The following PPP1R12B variants were observed in gnomAD, a reference collection of about 807,000 sequenced individuals.
PPP1R12B encodes myosin phosphatase target subunit 2.
In PPP1R12B, 76 loss-of-function variants were observed where a neutral mutation model predicts 126.1. The observed-to-expected ratio is 0.60, with a 90% CI of 0.50 to 0.73. The LOEUF is 0.73. Among genes scored for constraint, PPP1R12B ranks in the 30% least tolerant of loss-of-function variants. PPP1R12B has a pLI of 0.00. For synonymous variants in PPP1R12B, 356 were observed against 434.7 expected, an observed-to-expected ratio of 0.82 and a Z score of 2.25; for missense variants, 1,052 against 1,205.1, an observed-to-expected ratio of 0.87 and a Z score of 1.88.
rs1278626067 is a variant in PPP1R12B, at chr1:202,448,993, C to G, written c.1672C>G (p.Pro558Ala). The G allele has an allele frequency of 6.2e-7, 1 of 1,613,758 alleles. No individual in the cohort carries two copies. Among genetic ancestry groups the G allele is most frequent in the East Asian group, 2.2e-5 (1 of 44,856 alleles). The stretch of plus-strand genomic sequence containing the variant: ...TTGTATCTTTTTAAATTTCAGGACT[C>G]CTCACAAATCCCAGGCCGACACAAC... The part of the protein sequence containing the change: ...TYVSTYLKRT[P>A]HKSQADTTAE... Residue 558 changes from proline (P) to alanine (A), a missense_variant, in exon 13 of 24, where the codon CCT (proline) becomes GCT (alanine). By Grantham distance (27) the Pro-to-Ala change is conservative. Transcript: ENST00000608999.
intron 14 of PPP1R12B, among the ~76,000 whole-genome samples, chr1:202,489,500 T>C (rs1387941389): frequency 6.6e-6 from 1 of 152,224 alleles, no homozygotes; most frequent in African/African-American, 2.4e-5. Flanking sequence ...CCAAATGTGA[T>C]AAATCCATGC....
In PPP1R12B at chr1:202,419,802, G is replaced by T. The variant is rs1668529418; in HGVS notation, c.423-2818G>T. On this transcript the variant is annotated intron_variant, in intron 2 of 23. Transcript: ENST00000608999. This position sits in a 1 kb window ranked among gnomAD's most constrained non-coding sequence, Gnocchi z 4.6. Reference sequence around the variant, plus strand: ...TATTAACCAAAAACTATCTGAGGCAGGTCTCAATCAATTTAAAAGTTTATT... The same window carrying T: ...TATTAACCAAAAACTATCTGAGGCATGTCTCAATCAATTTAAAAGTTTATT... Among the ~76,000 whole-genome samples, 1 of 152,164 alleles carries T rather than the reference G, an allele frequency of 6.6e-6. No individual in the cohort carries two copies. Among genetic ancestry groups the T allele is most frequent in the South Asian group, 2.1e-4 (1 of 4,830 alleles).
At position 202,508,454 on chromosome 1, in the gene PPP1R12B, T is replaced by C. The variant is rs1021410408; in HGVS notation, c.2490+11632T>C. On this transcript the variant is annotated intron_variant, in intron 18 of 23. Transcript: ENST00000608999. The surrounding 1 kb of genome is among the most constrained non-coding windows in gnomAD (Gnocchi z 4.5). The stretch of plus-strand genomic sequence containing the variant: ...TTTTAAAAATCCATTGGCAAATTAA[T>C]ACCTAGCATAATACATAATACAAGT... 2.0e-5 allele frequency among the ~76,000 whole-genome samples: 3 copies of C among 152,224 alleles called. No homozygotes were observed. Among genetic ancestry groups the C allele is most frequent in the African/African-American group, 7.2e-5 (3 of 41,470 alleles).
At chr1:202,480,962 C>G (rs905959157) in intron 13 of PPP1R12B, among the ~76,000 whole-genome samples, 1 of 152,158 alleles carries the variant, frequency 6.6e-6, no homozygotes, top group Non-Finnish European at 1.5e-5. Context: ...ACAATTTTTC[C>G]ACAGACTGGT....
In PPP1R12B at chr1:202,431,624, T is replaced by C; in HGVS notation, c.1141+5T>C. 6.2e-7 allele frequency: 1 copy of C among 1,603,148 alleles called. No homozygotes were observed. Among genetic ancestry groups the C allele is most frequent in the Non-Finnish European group, 8.5e-7 (1 of 1,176,256 alleles). ...CAGAAACTGAGAAGGAGGCAGGTAA[T>C]GCAAAGATGTTCATAGTGAAGATCC... On this transcript the variant is annotated splice_donor_5th_base_variant and intron_variant, in intron 8 of 23. Coordinates refer to ENST00000608999, the MANE Select transcript of PPP1R12B (RefSeq NM_002481.4).
chr1:202,508,646 A>G lies in PPP1R12B; in HGVS notation c.2490+11824A>G, dbSNP rs1681086904. Among the ~76,000 whole-genome samples, 1 of 152,238 alleles carries G rather than the reference A, an allele frequency of 6.6e-6. No homozygotes were observed. Among genetic ancestry groups the G allele is most frequent in the Non-Finnish European group, 1.5e-5 (1 of 68,046 alleles). On this transcript the variant is annotated intron_variant, in intron 18 of 23. Transcript: ENST00000608999. This position sits in a 1 kb window ranked among gnomAD's most constrained non-coding sequence, Gnocchi z 4.5. ...AGGAGTTGGAGGACTTTCAAAAGTG[A>G]TATGCCAAATGGGCGAAACATGGGG...
chr1:202,461,380 G>A (rs1186093388), intron 13 of PPP1R12B, among the ~76,000 whole-genome samples: 1 of 152,066 alleles, frequency 6.6e-6, no homozygotes, highest in East Asian at 1.9e-4. Context: ...CTATCTCATG[G>A]AGCTATTGTG....
chr1:202,383,389 G>T (rs1354917399), intron 1 of PPP1R12B, among the ~76,000 whole-genome samples: 1 of 152,054 alleles, frequency 6.6e-6, no homozygotes. Flanking sequence ...ATCTATAAAT[G>T]ACATCATATT....
intron 13 of PPP1R12B, among the ~76,000 whole-genome samples, chr1:202,470,520 C>T (rs1244203439): frequency 1.3e-5 from 2 of 152,180 alleles, no homozygotes; most frequent in Non-Finnish European, 2.9e-5. Flanking sequence ...TGCCCGTATT[C>T]TCACCATCAG....
chr1:202,418,283 A>G (rs901707953), intron 2 of PPP1R12B, among the ~76,000 whole-genome samples: 1 of 152,146 alleles, frequency 6.6e-6, no homozygotes, highest in African/African-American at 2.4e-5. Context: ...TGGCCTTTCA[A>G]TTGCTATTTG....
intron 13 of PPP1R12B, among the ~76,000 whole-genome samples, chr1:202,468,199 C>T (rs958823469): frequency 6.6e-6 from 1 of 152,072 alleles, no homozygotes; most frequent in African/African-American, 2.4e-5. Context: ...ATGGTAGTTT[C>T]TTTTGCTGTG....
intron 18 of PPP1R12B, chr1:202,540,128 T>C (rs940230622): frequency 1.0e-5 from 16 of 1,602,304 alleles, no homozygotes; most frequent in Admixed American, 5.0e-5. Context: ...TCTATCTGCA[T>C]CCTGAGGAAC....
Position 202,425,714 on chromosome 1 carries a change from T to A in PPP1R12B, c.690T>A (p.Ser230=), listed in dbSNP as rs1164163213. 6.2e-7 allele frequency: 1 copy of A among 1,613,496 alleles called. No homozygotes were observed. The highest frequency in any genetic ancestry group is 8.5e-7 in the Non-Finnish European group (1 of 1,179,674). ...ALHVAAAKGY[S]EVLRLLIQAG... is the part of the protein sequence containing the mutation. Reference sequence around the variant, plus strand: ...ATGTGGCTGCTGCCAAGGGCTACTCTGAAGTCCTCAGGTATTGTCCATTTA... The same window carrying A: ...ATGTGGCTGCTGCCAAGGGCTACTCAGAAGTCCTCAGGTATTGTCCATTTA... Residue 230 remains serine (S), a synonymous_variant, in exon 4 of 24, where the codon TCT becomes TCA. Coordinates refer to ENST00000608999, the MANE Select transcript of PPP1R12B (RefSeq NM_002481.4).
intron 1 of PPP1R12B, among the ~76,000 whole-genome samples, chr1:202,349,400 G>T (rs1266166106): frequency 6.6e-6 from 1 of 152,128 alleles, no homozygotes; most frequent in Non-Finnish European, 1.5e-5. Context: ...TGTTGTCATG[G>T]TTACTGGTGA....
intron 23 of PPP1R12B, among the ~76,000 whole-genome samples, chr1:202,577,985 CCA>C (rs1300976441): frequency 6.6e-6 from 1 of 152,202 alleles, no homozygotes; most frequent in Non-Finnish European, 1.5e-5. Flanking sequence ...TCTTATTTAA[CCA>C]TTCTTTAACT....
At chr1:202,447,632 T>G (rs775677735) in intron 12 of PPP1R12B, among the ~76,000 whole-genome samples, 16 of 152,364 alleles carry the variant, frequency 1.1e-4, no homozygotes, top group African/African-American at 3.1e-4. Context: ...CTTGTAAAAT[T>G]ACACTGCATT....
chr1:202,440,475 A>G (rs535520883), intron 10 of PPP1R12B, among the ~76,000 whole-genome samples: 92 of 152,230 alleles, frequency 6.0e-4, no homozygotes, highest in African/African-American at 2.0e-3. Context: ...TTATTTACTC[A>G]TCCTGACTTT....
intron 1 of PPP1R12B, among the ~76,000 whole-genome samples, chr1:202,412,318 A>G (rs946736315): frequency 2.0e-5 from 3 of 152,204 alleles, no homozygotes; most frequent in Admixed American, 2.0e-4. Flanking sequence ...TGGGATTTAT[A>G]AGACACAATA....
At chr1:202,361,253 C>T (rs1013442119) in intron 1 of PPP1R12B, among the ~76,000 whole-genome samples, 1 of 152,086 alleles carries the variant, frequency 6.6e-6, no homozygotes, top group Non-Finnish European at 1.5e-5. Flanking sequence ...TAAAGGAATA[C>T]GTGAGACTAG....
Sources: gnomAD v4.1 joint callset for allele counts (sites outside exome capture counted in the v4.1 genomes callset) on GRCh38, gnomAD v4.1.1 for gene constraint, Gnocchi (gnomAD v3.1) non-coding constraint, MANE v1.5 for transcripts, NCBI Gene and HGNC (gene_info 2026-07-23, HGNC 2026-07-21) for gene names.